KIRREL3: variants seen among roughly 807,000 people sequenced by gnomAD.
KIRREL3 encodes kin of IRRE-like protein 3.
KIRREL3 carries 36 observed loss-of-function variants against 89.7 expected under a neutral mutation model. The ratio of observed to expected loss-of-function variants is 0.40; its 90% CI spans 0.31 to 0.53. The LOEUF is 0.53. KIRREL3 is among the 20% of genes least tolerant of loss of function. KIRREL3 has a pLI of 0.49. For synonymous variants in KIRREL3, 445 were observed against 441.4 expected, an observed-to-expected ratio of 1.01 and a Z score of -0.10; for missense variants, 864 against 1,056.6, an observed-to-expected ratio of 0.82 and a Z score of 2.53.
Position 126,861,191 on chromosome 11 carries a change from T to C in KIRREL3, c.55+139264A>G, listed in dbSNP as rs375954273. Among the ~76,000 whole-genome samples, 11 of 152,192 alleles carry C rather than the reference T, an allele frequency of 7.2e-5. No individual in the cohort carries two copies. The East Asian group carries it at 9.6e-4, about 13-fold the overall frequency. On this transcript the variant is annotated intron_variant, in intron 1 of 16. Transcript: ENST00000525144. ...TTTGAAGGCTTGGTGTCATCATTTC[T>C]GGGAATGTAACATTTAGGCTGCAGG...
At chr11:126,503,377 T>G (rs528684834) in intron 4 of KIRREL3, among the ~76,000 whole-genome samples, 419 of 152,064 alleles carry the variant, frequency 2.8e-3, no homozygotes, top group African/African-American at 9.8e-3. Context: ...ACATCTGCTC[T>G]CTCCCCTAGA....
At chr11:126,524,349 G>A (rs911925994) in intron 3 of KIRREL3, among the ~76,000 whole-genome samples, 1 of 152,344 alleles carries the variant, frequency 6.6e-6, no homozygotes, top group Non-Finnish European at 1.5e-5. Context: ...GGCCAAAGAG[G>A]TCTTTATCTT....
rs375695626 is a variant in KIRREL3 at position 126,867,934 on chromosome 11, C to T, written c.55+132521G>A. 1.3e-5 allele frequency among the ~76,000 whole-genome samples: 2 copies of T among 152,246 alleles called. No individual in the cohort carries two copies. Among genetic ancestry groups the T allele is most frequent in the East Asian group, 3.9e-4 (2 of 5,170 alleles). Reference sequence around the variant, plus strand: ...TACAGCACCTAACCTCAGAGCTAGACATGCAATAGGCATTCAATATAAACT... The same window carrying T: ...TACAGCACCTAACCTCAGAGCTAGATATGCAATAGGCATTCAATATAAACT... On this transcript the variant is annotated intron_variant, in intron 1 of 16. Transcript: ENST00000525144. The surrounding 1 kb of genome is among the most constrained non-coding windows in gnomAD (Gnocchi z 4.7).
Position 126,918,323 on chromosome 11 carries a change from CTT to C in KIRREL3, c.55+82130_55+82131del, listed in dbSNP as rs1249697387. 6.6e-6 allele frequency among the ~76,000 whole-genome samples: 1 copy of C among 152,160 alleles called. No homozygotes were observed. Among genetic ancestry groups the C allele is most frequent in the African/African-American group, 2.4e-5 (1 of 41,418 alleles). The stretch of plus-strand genomic sequence containing the variant: ...CATGATTTAATAGTAGATGAGAAGA[CTT>C]TGCCACACCATGGTACCTCCCCCTG... On this transcript the variant is annotated intron_variant, in intron 1 of 16. Coordinates refer to ENST00000525144, the MANE Select transcript of KIRREL3 (RefSeq NM_032531.4). This position sits in a 1 kb window ranked among gnomAD's most constrained non-coding sequence, Gnocchi z 6.5.
chr11:126,786,712 T>C (rs985127063), intron 1 of KIRREL3, among the ~76,000 whole-genome samples: 7 of 152,244 alleles, frequency 4.6e-5, no homozygotes, highest in Non-Finnish European at 5.9e-5. Flanking sequence ...GCTCACAGCC[T>C]GGCAGCCCAG....
chr11:126,708,066 C>T lies in KIRREL3; in HGVS notation c.56-145154G>A, dbSNP rs1947607824. Among the ~76,000 whole-genome samples the T allele has an allele frequency of 6.6e-6, 1 of 152,156 alleles. No individual in the cohort carries two copies. Among genetic ancestry groups the T allele is most frequent in the African/African-American group, 2.4e-5 (1 of 41,424 alleles). ...CATCCCTGAAGCAGGTGATGATCTC[C>T]ATAGGTCCCAGGGTATCCGTGCCCC... On this transcript the variant is annotated intron_variant, in intron 1 of 16. Coordinates refer to ENST00000525144, the MANE Select transcript of KIRREL3 (RefSeq NM_032531.4). The surrounding 1 kb of genome is among the most constrained non-coding windows in gnomAD (Gnocchi z 5.7).
rs536357112 is a variant in KIRREL3 at position 126,922,060 on chromosome 11, A to C, written c.55+78395T>G. Among the ~76,000 whole-genome samples the C allele has an allele frequency of 2.0e-5, 3 of 150,078 alleles. No individual in the cohort carries two copies. The South Asian group carries it at 6.3e-4, about 32-fold the overall frequency. ...TATCTATCTTCCTATCTATCTATCC[A>C]TCCATCTTCCTGTCTTCCTATCATC... On this transcript the variant is annotated intron_variant, in intron 1 of 16. Transcript: ENST00000525144.
rs1949652154 is a variant in KIRREL3, at chr11:126,978,909, C to T, written c.55+21546G>A. On this transcript the variant is annotated intron_variant, in intron 1 of 16. Coordinates refer to ENST00000525144, the MANE Select transcript of KIRREL3 (RefSeq NM_032531.4). The surrounding 1 kb of genome is among the most constrained non-coding windows in gnomAD (Gnocchi z 4.2). ...CCCTGAATACATTGAGGTACACCTG[C>T]CTTTCTGAAAGTTTGGCAGGTTTCC... Among the ~76,000 whole-genome samples, 2 of 152,170 alleles carry T rather than the reference C, an allele frequency of 1.3e-5. No homozygotes were observed. Among genetic ancestry groups the T allele is most frequent in the South Asian group, 4.1e-4 (2 of 4,830 alleles).
rs1215457040 is a variant in KIRREL3, at chr11:126,736,504, C to T, written c.56-173592G>A. On this transcript the variant is annotated intron_variant, in intron 1 of 16. Transcript: ENST00000525144. This position sits in a 1 kb window ranked among gnomAD's most constrained non-coding sequence, Gnocchi z 5.0. ...AAGGACCCTCAGAGATCATCTGGGC[C>T]GGTGGTTCTCACCTGGGGGCGATTT... Among the ~76,000 whole-genome samples the T allele has an allele frequency of 3.9e-5, 6 of 152,108 alleles. No individual in the cohort carries two copies. The highest frequency in any genetic ancestry group is 1.9e-4 in the East Asian group (1 of 5,192).
rs1947081444 is a variant in KIRREL3 at position 126,917,366 on chromosome 11, G to A, written c.55+83089C>T. On this transcript the variant is annotated intron_variant, in intron 1 of 16. Transcript: ENST00000525144. The surrounding 1 kb of genome is among the most constrained non-coding windows in gnomAD (Gnocchi z 5.0). ...TGTTTACAGTGATGAAAAAGTTCTG[G>A]AAATAAATAGTGGTGATGGTTGCAC... is the stretch of plus-strand genomic sequence containing the variant. 6.6e-6 allele frequency among the ~76,000 whole-genome samples: 1 copy of A among 152,106 alleles called. No individual in the cohort carries two copies. Among genetic ancestry groups the A allele is most frequent in the South Asian group, 2.1e-4 (1 of 4,814 alleles).
chr11:126,878,179 T>C (rs1945361410), intron 1 of KIRREL3, among the ~76,000 whole-genome samples: 2 of 152,222 alleles, frequency 1.3e-5, no homozygotes, highest in South Asian at 2.1e-4. Context: ...TGTCTTCAGA[T>C]TGAACATCCC....
rs1413777276 is a variant in KIRREL3 at position 126,579,583 on chromosome 11, G to A, written c.56-16671C>T. ...CTGGGGAGACAGAGAGTGAGAAAAGGGGCAGAAAAAACAGGGCAGGGTACA... is the reference window on the plus strand; with the variant it reads ...CTGGGGAGACAGAGAGTGAGAAAAGAGGCAGAAAAAACAGGGCAGGGTACA... On this transcript the variant is annotated intron_variant, in intron 1 of 16. Transcript: ENST00000525144. This position sits in a 1 kb window ranked among gnomAD's most constrained non-coding sequence, Gnocchi z 5.3. Among the ~76,000 whole-genome samples the A allele has an allele frequency of 6.6e-6, 1 of 151,436 alleles. No homozygotes were observed. The highest frequency in any genetic ancestry group is 1.5e-5 in the Non-Finnish European group (1 of 67,932).
In KIRREL3 at chr11:126,985,679, A is replaced by C. The variant is rs564108385; in HGVS notation, c.55+14776T>G. Among the ~76,000 whole-genome samples, 1 of 152,196 alleles carries C rather than the reference A, an allele frequency of 6.6e-6. No individual in the cohort carries two copies. Among genetic ancestry groups the C allele is most frequent in the African/African-American group, 2.4e-5 (1 of 41,530 alleles). The stretch of plus-strand genomic sequence containing the variant: ...GTGTGTTGGAGTAAAGGGGCATATG[A>C]GAGGGTGGGGAGACTTTCATTCTGA... On this transcript the variant is annotated intron_variant, in intron 1 of 16. Transcript: ENST00000525144. This position sits in a 1 kb window ranked among gnomAD's most constrained non-coding sequence, Gnocchi z 5.3.
At chr11:126,613,487 G>A (rs778088000) in intron 1 of KIRREL3, among the ~76,000 whole-genome samples, 7 of 152,060 alleles carry the variant, frequency 4.6e-5, no homozygotes, top group Non-Finnish European at 1.0e-4. Flanking sequence ...TGATTGATGT[G>A]CAATTACCTC....
At chr11:126,644,748 G>C (rs140662856) in intron 1 of KIRREL3, among the ~76,000 whole-genome samples, 1 of 152,198 alleles carries the variant, frequency 6.6e-6, no homozygotes, top group African/African-American at 2.4e-5. Context: ...GAATTTATCC[G>C]TCTCCTATTA....
chr11:126,759,193 G>A (rs1293718461), intron 1 of KIRREL3, among the ~76,000 whole-genome samples: 6 of 152,132 alleles, frequency 3.9e-5, no homozygotes, highest in Admixed American at 6.5e-5. Context: ...CTCATGGTGC[G>A]ATCTCGGCTT....
rs759187944 is a variant in KIRREL3 at position 126,622,621 on chromosome 11, G to A, written c.56-59709C>T. ...GAAGAATCACTTGAACCCTGGAGGC[G>A]GAGGTTGCAGTGAGCTGAGATCACG... On this transcript the variant is annotated intron_variant, in intron 1 of 16. Coordinates refer to ENST00000525144, the MANE Select transcript of KIRREL3 (RefSeq NM_032531.4). The surrounding 1 kb of genome is among the most constrained non-coding windows in gnomAD (Gnocchi z 5.2). Among the ~76,000 whole-genome samples the A allele has an allele frequency of 1.8e-4, 27 of 152,052 alleles. No individual in the cohort carries two copies. The highest frequency in any genetic ancestry group is 3.4e-4 in the Non-Finnish European group (23 of 68,004).
intron 1 of KIRREL3, among the ~76,000 whole-genome samples, chr11:126,956,737 A>G (rs1948933362): frequency 6.6e-6 from 1 of 152,188 alleles, no homozygotes; most frequent in Non-Finnish European, 1.5e-5. Context: ...TACCCATCAG[A>G]ACAAATTACA....
At chr11:126,583,719 A>G (rs374029253) in intron 1 of KIRREL3, among the ~76,000 whole-genome samples, 14 of 151,810 alleles carry the variant, frequency 9.2e-5, no homozygotes, top group African/African-American at 3.1e-4. Context: ...GGGATAAAGG[A>G]GAGCAAGCCC....
Sources: gnomAD v4.1 joint callset for allele counts (sites outside exome capture counted in the v4.1 genomes callset) on GRCh38, gnomAD v4.1.1 for gene constraint, Gnocchi (gnomAD v3.1) non-coding constraint, MANE v1.5 for transcripts, NCBI Gene and HGNC (gene_info 2026-07-23, HGNC 2026-07-21) for gene names.